Variants in CDK10 observed in about 807,000 individuals in gnomAD.
CDK10 encodes the protein cyclin-dependent kinase 10.
In CDK10, 55 loss-of-function variants were observed where a neutral mutation model predicts 51.0. That is an observed-to-expected ratio of 1.08 (90% CI 0.87 to 1.35). The LOEUF is 1.35. Ranked by LOEUF, CDK10 falls within the 40% of genes most tolerant of loss-of-function variation. The pLI is 0.00. For missense variants in CDK10, 589 were observed against 485.1 expected (o/e 1.21, Z -2.01); for synonymous variants, 255 against 199.1 (o/e 1.28, Z -2.36).
rs371256000 is a variant in CDK10 at position 89,695,887 on chromosome 16, C to CG, written c.*201dup. The CG allele has an allele frequency of 2.7e-5, 35 of 1,287,000 alleles. No homozygotes were observed. The African/African-American group carries it at 3.9e-4, about 15-fold the overall frequency. 79.7% of individuals were successfully genotyped at this position (1,287,000 alleles called of 1,614,324 possible). A position where few individuals can be genotyped will look rare whatever the true frequency, so the allele number is the denominator to read the frequency against. On this transcript the variant is annotated 3_prime_UTR_variant, in exon 13 of 13. Transcript: ENST00000353379. Reference sequence around the variant, plus strand: ...CCCCCAGAAAAAGGCCGGGTGACACCGGGGGGCTCCCAGCCCGTGCACCCT... The same window carrying CG: ...CCCCCAGAAAAAGGCCGGGTGACACCGGGGGGGCTCCCAGCCCGTGCACCCT...
intron 4 of CDK10, 78 bp from the exon 5 acceptor site, chr16:89,691,728 C>T: frequency 6.9e-7 from 1 of 1,440,844 alleles, no homozygotes; most frequent in East Asian, 2.3e-5. Flanking sequence ...CCCATGTCCC[C>T]TCCTGCAGCA....
intron 9 of CDK10, 29 bp from the exon 10 acceptor site, chr16:89,694,636 G>A: frequency 1.9e-6 from 3 of 1,572,358 alleles, no homozygotes; most frequent in Non-Finnish European, 2.6e-6. Flanking sequence ...CAGACGTCTG[G>A]CCGCAGTGAG....
chr16:89,690,199 C>T, intron 2 of CDK10: 1 of 258,806 alleles, frequency 3.9e-6, no homozygotes, highest in Non-Finnish European at 7.5e-6. Flanking sequence ...TTGCTTTTTT[C>T]TGCATAGAGT....
intron 1 of CDK10, chr16:89,687,537 T>C (rs1567508796): frequency 6.6e-6 from 3 of 455,772 alleles, no homozygotes; most frequent in Admixed American, 2.3e-5. Flanking sequence ...TGCTGGACTC[T>C]GGGGTGAAGT....
At position 89,686,702 on chromosome 16, in the gene CDK10, G is replaced by C. The variant is rs529314445; in HGVS notation, c.-9G>C. ...CCTGCGCGCAAGAGAGGCGGGGCCA[G>C]CGCTCGGCATGGCGGAGCCAGATCT... On this transcript the variant is annotated 5_prime_UTR_variant, in exon 1 of 13. Coordinates refer to ENST00000353379, the MANE Select transcript of CDK10 (RefSeq NM_052988.5). 6.4e-7 allele frequency: 1 copy of C among 1,567,286 alleles called. No individual in the cohort carries two copies. Among genetic ancestry groups the C allele is most frequent in the Non-Finnish European group, 8.7e-7 (1 of 1,153,828 alleles).
intron 4 of CDK10, 70 bp downstream of exon 4, chr16:89,691,615 A>G (rs62068365): frequency 1.5e-6 from 2 of 1,375,290 alleles, no homozygotes; most frequent in Admixed American, 3.6e-5. Flanking sequence ...TGTTGCACAG[A>G]GCGAGGACTG....
intron 9 of CDK10, 23 bp from the exon 10 acceptor site, chr16:89,694,642 G>A (rs780581341): frequency 2.5e-6 from 4 of 1,577,778 alleles, no homozygotes; most frequent in South Asian, 1.2e-5. Context: ...TCTGGCCGCA[G>A]TGAGGTCCAC....
At chr16:89,695,201 CCTTT>C in intron 11 of CDK10, 88 bp from the exon 12 acceptor site, 1 of 1,543,812 alleles carries the variant, frequency 6.5e-7, no homozygotes, top group Non-Finnish European at 8.8e-7. Flanking sequence ...CACCTGGCTT[CCTTT>C]GAGCATTTGA....
Position 89,696,228 on chromosome 16 carries a change from C to G in CDK10, c.*536C>G, listed in dbSNP as rs550878671. ...ACAATTGAGGATACCCCGAGACTACCAGGAGAGCCCTGGGCTGGAGGCTGA... is the reference window on the plus strand; with the variant it reads ...ACAATTGAGGATACCCCGAGACTACGAGGAGAGCCCTGGGCTGGAGGCTGA... On this transcript the variant is annotated 3_prime_UTR_variant, in exon 13 of 13. Transcript: ENST00000353379. 4 of 262,202 alleles carry G rather than the reference C, an allele frequency of 1.5e-5. No homozygotes were observed. The highest frequency in any genetic ancestry group is 1.5e-4 in the South Asian group (3 of 19,672). The allele number at this position is 262,202 out of a possible 1,614,324, so 16.2% of individuals were successfully genotyped here. A position where few individuals can be genotyped will look rare whatever the true frequency, so the allele number is the denominator to read the frequency against.
chr16:89,691,872 CT>C lies in CDK10; in HGVS notation c.404del (p.Phe135SerfsTer30), dbSNP rs1179161895. ...GCCTCCTGGAGAATATGCCAACACC[CT>C]TCTCGGAGGCTCAGGTGCGTGGCAG... is the stretch of plus-strand genomic sequence containing the variant. Reference protein sequence around the residue: ...ASLLENMPTPFSEAQVKCIVL... With the variant: ...ASLLENMPTPXSEAQVKCIVL... On this transcript the variant is annotated frameshift_variant, in exon 5 of 13. Transcript: ENST00000353379. LOFTEE classifies it high-confidence loss of function. 6.2e-7 allele frequency: 1 copy of C among 1,614,018 alleles called. No individual in the cohort carries two copies.
At chr16:89,687,066 A>G (rs258326) in intron 1 of CDK10, 353,524 of 356,684 alleles carry the variant, frequency 0.99, 175,265 homozygotes, top group East Asian at 1. Flanking sequence ...GGGAAGAGCA[A>G]GCTCCGGGAT....
Position 89,693,279 on chromosome 16 carries a change from T to G in CDK10, c.491T>G (p.Leu164Arg). 1 of 1,614,160 alleles carries G rather than the reference T, an allele frequency of 6.2e-7. No homozygotes were observed. The highest frequency in any genetic ancestry group is 8.5e-7 in the Non-Finnish European group (1 of 1,180,028). The change falls in exon 7 of 13, where the codon CTG becomes CGG. Residue 164 changes from leucine (L) to arginine (R), a missense_variant. By Grantham distance (102) the Leu-to-Arg change is moderately radical (BLOSUM62 -2). Coordinates refer to ENST00000353379, the MANE Select transcript of CDK10 (RefSeq NM_052988.5). Reference protein sequence around the residue: ...LHRNFIIHRDLKVSNLLMTDK... With the variant: ...LHRNFIIHRDRKVSNLLMTDK... Reference sequence around the variant, plus strand: ...CCACTGTTTTTCCATCACAGGGACCTGAAGGTTTCCAACTTGCTCATGACC... The same window carrying G: ...CCACTGTTTTTCCATCACAGGGACCGGAAGGTTTCCAACTTGCTCATGACC...
intron 6 of CDK10, 61 bp downstream of exon 6, chr16:89,692,577 C>G: frequency 1.6e-6 from 2 of 1,273,534 alleles, no homozygotes; most frequent in Non-Finnish European, 1.1e-6. Flanking sequence ...CTCTGCTGCC[C>G]CTGTGGAGTT....
chr16:89,694,359 C>T (rs538125095), intron 9 of CDK10, 127 bp downstream of exon 9: 1 of 1,047,154 alleles, frequency 9.5e-7, no homozygotes. Context: ...CAGCCTCCCA[C>T]TCCCAGGGAG....
intron 1 of CDK10, among the ~76,000 whole-genome samples, chr16:89,688,606 C>A (rs923295108): frequency 6.6e-6 from 1 of 152,174 alleles, no homozygotes; most frequent in Non-Finnish European, 1.5e-5. Flanking sequence ...CACACGGTCC[C>A]TTCAGCTCAC....
Position 89,695,056 on chromosome 16 carries a change from C to T in CDK10, c.918C>T (p.Tyr306=), listed in dbSNP as rs932133225. 1.2e-5 allele frequency: 19 copies of T among 1,612,886 alleles called. No individual in the cohort carries two copies. Among genetic ancestry groups the T allele is most frequent in the African/African-American group, 2.7e-5 (2 of 75,058 alleles). ...GLRLLHFLFM[Y]DPKKRATAGD... is the part of the protein sequence containing the mutation. ...GCCTGCTGCACTTCCTGTTCATGTA[C>T]GACCCTAAGAAAAGGTGCTGATCTC... The change falls in exon 11 of 13, where the codon TAC becomes TAT. Residue 306 remains tyrosine (Y), a synonymous_variant. Coordinates refer to ENST00000353379, the MANE Select transcript of CDK10 (RefSeq NM_052988.5).
intron 6 of CDK10, 56 bp downstream of exon 6, chr16:89,692,572 C>A: frequency 7.5e-7 from 1 of 1,338,444 alleles, no homozygotes; most frequent in Admixed American, 2.1e-5. Context: ...CCTAACTCTG[C>A]TGCCCCTGTG....
rs1567520269 is a variant in CDK10, at chr16:89,693,307, CAA to C, written c.520_521del (p.Lys174GlyfsTer34). On this transcript the variant is annotated frameshift_variant, in exon 7 of 13. Coordinates refer to ENST00000353379, the MANE Select transcript of CDK10 (RefSeq NM_052988.5). LOFTEE classifies it high-confidence loss of function. The part of the protein sequence containing the change: ...LKVSNLLMTD[K>X]GCVKTADFGL... ...AGGTTTCCAACTTGCTCATGACCGA[CAA>C]GGGTTGTGTGAAGACAGGTGGGTGC... 5 of 1,614,136 alleles carry C rather than the reference CAA, an allele frequency of 3.1e-6. No homozygotes were observed. The highest frequency in any genetic ancestry group is 3.3e-4 in the Middle Eastern group (2 of 6,060).
chr16:89,686,926 T>G, intron 1 of CDK10, 129 bp downstream of exon 1: 10 of 733,682 alleles, frequency 1.4e-5, no homozygotes, highest in Admixed American at 3.6e-5. Flanking sequence ...AGTCCCAGAG[T>G]TCCCCGCGGC....
Sources: allele counts gnomAD v4.1 joint callset (sites outside exome capture counted in the v4.1 genomes callset), GRCh38; gene constraint gnomAD v4.1.1; transcripts MANE v1.5; gene names NCBI Gene and HGNC (gene_info 2026-07-23, HGNC 2026-07-21).